Variants in ADRA1B observed in about 807,000 individuals in gnomAD.
ADRA1B encodes adrenoceptor alpha 1B, also known as alpha-1B adrenergic receptor.
In ADRA1B, 17 loss-of-function variants were observed where a neutral mutation model predicts 17.9. The ratio of observed to expected loss-of-function variants is 0.95; its 90% CI spans 0.65 to 1.42. The LOEUF is 1.42. ADRA1B is among the 40% of genes most tolerant of loss of function. The pLI is 0.00. For missense variants in ADRA1B, 681 were observed against 722.1 expected, an observed-to-expected ratio of 0.94 and a Z score of 0.65; for synonymous variants, 366 against 327.6, an observed-to-expected ratio of 1.12 and a Z score of -1.27.
At chr5:159,921,788 C>T (rs1754488375) in intron 1 of ADRA1B, among the ~76,000 whole-genome samples, 4 of 152,188 alleles carry the variant, frequency 2.6e-5, no homozygotes, top group Admixed American at 2.6e-4. Context: ...TTTGATCCTC[C>T]AGCCCTTTCA....
chr5:159,965,930 C>T (rs1262393125), intron 1 of ADRA1B, among the ~76,000 whole-genome samples: 1 of 152,046 alleles, frequency 6.6e-6, no homozygotes, highest in Non-Finnish European at 1.5e-5. Context: ...TTCAAGCGAG[C>T]ATTTTGGCTA....
At chr5:159,979,344 C>T in the ADRA1B span, among the ~76,000 whole-genome samples, 1 of 152,232 alleles carries the variant, frequency 6.6e-6, no homozygotes, top group Middle Eastern at 3.4e-3. Context: ...TTTTCTTATT[C>T]TGGAAAATGA....
chr5:159,947,520 A>G (rs749334050), intron 1 of ADRA1B, among the ~76,000 whole-genome samples: 3 of 152,098 alleles, frequency 2.0e-5, no homozygotes, highest in Non-Finnish European at 4.4e-5. Context: ...TTTGATCTGC[A>G]TGAAATAGAT....
At chr5:159,929,637 A>G (rs1419484375) in intron 1 of ADRA1B, among the ~76,000 whole-genome samples, 1 of 152,016 alleles carries the variant, frequency 6.6e-6, no homozygotes, top group African/African-American at 2.4e-5. Flanking sequence ...ACCACAGGGA[A>G]CTTGGACCGT....
intron 1 of ADRA1B, among the ~76,000 whole-genome samples, chr5:159,921,383 G>A (rs182817642): frequency 6.6e-6 from 1 of 152,336 alleles, no homozygotes; most frequent in African/African-American, 2.4e-5. Context: ...CTTACTCCAT[G>A]AGCCATTTGC....
At chr5:159,898,545 A>G (rs1754061688) in intron 1 of ADRA1B, among the ~76,000 whole-genome samples, 1 of 152,248 alleles carries the variant, frequency 6.6e-6, no homozygotes, top group Non-Finnish European at 1.5e-5. Context: ...AAACAAACAC[A>G]TGTTTATAGA....
At chr5:159,909,254 A>G (rs1754201082) in intron 1 of ADRA1B, among the ~76,000 whole-genome samples, 1 of 152,122 alleles carries the variant, frequency 6.6e-6, no homozygotes, top group Non-Finnish European at 1.5e-5. Context: ...ACTCATTCCA[A>G]GACCCTACAC....
intron 1 of ADRA1B, among the ~76,000 whole-genome samples, chr5:159,934,835 G>T (rs1754910426): frequency 6.6e-6 from 1 of 150,908 alleles, no homozygotes; most frequent in Non-Finnish European, 1.5e-5. Context: ...AAAAAAAACA[G>T]GGACGCTGAA....
chr5:159,871,886 A>G (rs1753745991), intron 1 of ADRA1B, among the ~76,000 whole-genome samples: 1 of 152,148 alleles, frequency 6.6e-6, no homozygotes, highest in Non-Finnish European at 1.5e-5. Flanking sequence ...TTTTACTTAC[A>G]TGCTATTTAA....
At chr5:159,980,046 A>G in the ADRA1B span, among the ~76,000 whole-genome samples, 1 of 151,968 alleles carries the variant, frequency 6.6e-6, no homozygotes, top group African/African-American at 2.4e-5. Context: ...AAGATTTGCC[A>G]TAGAAGAGGG....
At chr5:159,986,488 G>A in the ADRA1B span, among the ~76,000 whole-genome samples, 2 of 152,236 alleles carry the variant, frequency 1.3e-5, no homozygotes, top group Non-Finnish European at 2.9e-5. Flanking sequence ...AGAGGTGTGT[G>A]CTCTGAGGCT....
chr5:159,901,002 G>T (rs1316557301), intron 1 of ADRA1B, among the ~76,000 whole-genome samples: 1 of 151,990 alleles, frequency 6.6e-6, no homozygotes, highest in Non-Finnish European at 1.5e-5. Flanking sequence ...GCCTCCTGAG[G>T]TGACTACTCC....
the ADRA1B span, among the ~76,000 whole-genome samples, chr5:159,987,422 T>G: frequency 6.6e-6 from 1 of 152,178 alleles, no homozygotes; most frequent in African/African-American, 2.4e-5. Context: ...GCATCCTTCC[T>G]CCTTACGTGC....
At chr5:159,988,105 C>A in the ADRA1B span, among the ~76,000 whole-genome samples, 1 of 152,010 alleles carries the variant, frequency 6.6e-6, no homozygotes, top group Non-Finnish European at 1.5e-5. Flanking sequence ...AAGAGGAACA[C>A]AAAAGGAAAC....
At chr5:159,894,151 G>A (rs546261279) in intron 1 of ADRA1B, among the ~76,000 whole-genome samples, 3 of 152,300 alleles carry the variant, frequency 2.0e-5, no homozygotes, top group South Asian at 2.1e-4. Flanking sequence ...GCAGGGAGAC[G>A]CCCATTCAGT....
chr5:159,918,655 C>G lies in ADRA1B; in HGVS notation c.949+801C>G, dbSNP rs189314496. On this transcript the variant is annotated intron_variant, in intron 1 of 1. Coordinates refer to ENST00000306675, the MANE Select transcript of ADRA1B (RefSeq NM_000679.4). ...AGATGGAATTCAGTGCGTCCTCCCCCTCTTATGAAAACATGTTCGTCTTCT... is the reference window on the plus strand; with the variant it reads ...AGATGGAATTCAGTGCGTCCTCCCCGTCTTATGAAAACATGTTCGTCTTCT... 3.9e-4 allele frequency among the ~76,000 whole-genome samples: 59 copies of G among 152,350 alleles called. 1 individual carries two copies. The highest frequency in any genetic ancestry group is 1.7e-3 in the South Asian group (8 of 4,828).
At chr5:159,956,644 C>G (rs1161082048) in intron 1 of ADRA1B, among the ~76,000 whole-genome samples, 2 of 152,082 alleles carry the variant, frequency 1.3e-5, no homozygotes, top group Non-Finnish European at 2.9e-5. Flanking sequence ...ATACTGTCAT[C>G]TTTGCTGTCT....
At chr5:159,958,678 C>T (rs964607434) in intron 1 of ADRA1B, among the ~76,000 whole-genome samples, 1 of 152,170 alleles carries the variant, frequency 6.6e-6, no homozygotes, top group Non-Finnish European at 1.5e-5. Context: ...TTTAATTAGA[C>T]TGTTTTGAAT....
intron 1 of ADRA1B, among the ~76,000 whole-genome samples, chr5:159,950,080 G>C (rs1755390041): frequency 6.6e-6 from 1 of 152,198 alleles, no homozygotes; most frequent in Non-Finnish European, 1.5e-5. Context: ...TCCTTGACCA[G>C]AGCACGTGCT....
Sources: allele counts gnomAD v4.1 joint callset (sites outside exome capture counted in the v4.1 genomes callset), GRCh38; gene constraint gnomAD v4.1.1; transcripts MANE v1.5; gene names NCBI Gene and HGNC (gene_info 2026-07-23, HGNC 2026-07-21).